The following SHANK2 variants were observed in gnomAD, a reference collection of about 807,000 sequenced individuals.
The protein encoded by SHANK2 is SH3 and multiple ankyrin repeat domains 2.
In SHANK2, 43 loss-of-function variants were observed where a neutral mutation model predicts 133.7. The observed-to-expected ratio is 0.32, with a 90% CI of 0.25 to 0.41. The LOEUF is 0.41. Among genes scored for constraint, SHANK2 ranks in the 10% least tolerant of loss-of-function variants. The probability of loss-of-function intolerance (pLI) is 1.00; values close to 1 mark genes in which losing one functional copy is unlikely to be tolerated. For synonymous variants in SHANK2, 1,017 were observed against 952.8 expected (o/e 1.07, Z -1.24); for missense variants, 1,994 against 2,235.8 (o/e 0.89, Z 2.18).
intron 12 of SHANK2, among the ~76,000 whole-genome samples, chr11:70,820,128 C>A (rs1948484991): frequency 6.6e-6 from 1 of 152,210 alleles, no homozygotes; most frequent in Admixed American, 6.5e-5. Flanking sequence ...AGCCTGCACA[C>A]CTGCCCCGAG....
chr11:70,650,152 G>A (rs1213205024), intron 17 of SHANK2, among the ~76,000 whole-genome samples: 1 of 152,228 alleles, frequency 6.6e-6, no homozygotes, highest in Admixed American at 6.5e-5. Flanking sequence ...AAGGCATCAT[G>A]TGAGCTGAAA....
At chr11:70,683,273 T>G (rs1054986071) in intron 15 of SHANK2, among the ~76,000 whole-genome samples, 24 of 152,066 alleles carry the variant, frequency 1.6e-4, no homozygotes, top group Admixed American at 8.5e-4. Flanking sequence ...GGCCACTTCC[T>G]CCTTTCTTTT....
chr11:70,532,448 A>G (rs2059486110), intron 17 of SHANK2, among the ~76,000 whole-genome samples: 1 of 152,146 alleles, frequency 6.6e-6, no homozygotes, highest in African/African-American at 2.4e-5. Context: ...GAGGTGGCCC[A>G]TCAGCAAACG....
chr11:71,103,184 C>A (rs1232064749), intron 6 of SHANK2, among the ~76,000 whole-genome samples: 2 of 152,190 alleles, frequency 1.3e-5, no homozygotes, highest in African/African-American at 4.8e-5. Flanking sequence ...TAGCGGCCAC[C>A]CAGTTGGGCT....
intron 3 of SHANK2, among the ~76,000 whole-genome samples, chr11:71,123,674 C>T (rs1383978730): frequency 5.7e-4 from 87 of 152,224 alleles, no homozygotes; most frequent in African/African-American, 2.0e-3. Context: ...GGTCTCCCCA[C>T]AGCCCTGCGA....
chr11:71,238,862 ACACACAGT>A lies in SHANK2; in HGVS notation c.-113+13555_-113+13562del, dbSNP rs374055404. The stretch of plus-strand genomic sequence containing the variant: ...TCTCCCCAGAAGAGGAGCTGTCCAG[ACACACAGT>A]CACAGGGACAGACTTCATTCATGGG... On this transcript the variant is annotated intron_variant, in intron 1 of 25. Coordinates refer to ENST00000601538, the MANE Select transcript of SHANK2 (RefSeq NM_012309.5). 3.1e-3 allele frequency among the ~76,000 whole-genome samples: 477 copies of A among 152,332 alleles called. 1 individual carries two copies. Among genetic ancestry groups the A allele is most frequent in the African/African-American group, 0.01 (426 of 41,576 alleles).
At chr11:70,477,874 C>G (rs1208138522) in intron 25 of SHANK2, among the ~76,000 whole-genome samples, 1 of 152,192 alleles carries the variant, frequency 6.6e-6, no homozygotes, top group Non-Finnish European at 1.5e-5. Context: ...ACTGGATCTT[C>G]CCGGTTGCAC....
chr11:70,499,691 G>A (rs1372862837), intron 21 of SHANK2, among the ~76,000 whole-genome samples: 8 of 152,328 alleles, frequency 5.3e-5, no homozygotes, highest in Admixed American at 3.9e-4. Flanking sequence ...CATCCTCGGC[G>A]CAGCAGTGGG....
intron 17 of SHANK2, among the ~76,000 whole-genome samples, chr11:70,611,459 C>A (rs1164560934): frequency 1.3e-5 from 2 of 152,248 alleles, no homozygotes; most frequent in African/African-American, 4.8e-5. Context: ...CCCTGCAATG[C>A]CCCATGGCAG....
intron 14 of SHANK2, among the ~76,000 whole-genome samples, chr11:70,758,459 T>C (rs972250929): frequency 6.6e-6 from 1 of 152,218 alleles, no homozygotes; most frequent in East Asian, 1.9e-4. Flanking sequence ...CTGCTCCCAA[T>C]TGGGCTAGAG....
intron 17 of SHANK2, among the ~76,000 whole-genome samples, chr11:70,568,646 G>GCTCCCCCCCCCCCCCCC (rs112149839): frequency 1.3e-5 from 1 of 79,966 alleles, no homozygotes; most frequent in Non-Finnish European, 2.8e-5. Flanking sequence ...GCGGATTCCT[G>GCTCCCCCCCCCCCCCCC]CCCCCCCCGC....
chr11:70,853,974 A>G (rs1157671942), intron 11 of SHANK2, among the ~76,000 whole-genome samples: 4 of 152,154 alleles, frequency 2.6e-5, no homozygotes, highest in African/African-American at 9.7e-5. Flanking sequence ...TAACCAAACC[A>G]ATTAAACCCA....
rs562761807 is a variant in SHANK2, at chr11:71,183,022, T to C, written c.-12-35684A>G. Among the ~76,000 whole-genome samples, 7 of 152,270 alleles carry C rather than the reference T, an allele frequency of 4.6e-5. No individual in the cohort carries two copies. The East Asian group carries it at 1.2e-3, about 25-fold the overall frequency. On this transcript the variant is annotated intron_variant, in intron 2 of 25. Transcript: ENST00000601538. The stretch of plus-strand genomic sequence containing the variant: ...CTCCTTCATCTCTGACCTGGGAGTC[T>C]TGTGTCTTCATGAAACTCTGGTGAG...
At chr11:70,773,766 C>T (rs1490253702) in intron 14 of SHANK2, among the ~76,000 whole-genome samples, 2 of 152,130 alleles carry the variant, frequency 1.3e-5, no homozygotes, top group Non-Finnish European at 2.9e-5. Context: ...ATCAAAACCA[C>T]AATGATATAT....
chr11:70,484,572 G>A (rs1452598481), intron 25 of SHANK2, among the ~76,000 whole-genome samples: 1 of 152,146 alleles, frequency 6.6e-6, no homozygotes, highest in African/African-American at 2.4e-5. Flanking sequence ...TTATAGCAGT[G>A]CAAGAATGAT....
Position 70,506,952 on chromosome 11 carries a change from A to G in SHANK2, c.2062-4021T>C, listed in dbSNP as rs141074284. ...AGGATGTTCCCTTTGGTCCCCATCCAGCGATTACCAAGGGTCAAATCCCAC... is the reference window on the plus strand; with the variant it reads ...AGGATGTTCCCTTTGGTCCCCATCCGGCGATTACCAAGGGTCAAATCCCAC... On this transcript the variant is annotated intron_variant, in intron 17 of 25. Transcript: ENST00000601538. Among the ~76,000 whole-genome samples the G allele has an allele frequency of 9.6e-4, 146 of 152,358 alleles. 1 individual carries two copies. Among genetic ancestry groups the G allele is most frequent in the South Asian group, 4.1e-4 (2 of 4,832 alleles).
chr11:70,636,513 G>C (rs1047999993), intron 17 of SHANK2, among the ~76,000 whole-genome samples: 1 of 150,270 alleles, frequency 6.7e-6, no homozygotes, highest in Non-Finnish European at 1.5e-5. Flanking sequence ...GAGGATGCAT[G>C]AGAATGTGTG....
chr11:71,161,998 A>G (rs1200036856), intron 2 of SHANK2, among the ~76,000 whole-genome samples: 1 of 152,188 alleles, frequency 6.6e-6, no homozygotes, highest in Non-Finnish European at 1.5e-5. Context: ...TCCCTAAGCC[A>G]TTGCAACAGC....
chr11:71,091,566 C>G (rs1376176963), intron 8 of SHANK2, among the ~76,000 whole-genome samples: 6 of 152,094 alleles, frequency 3.9e-5, no homozygotes, highest in African/African-American at 7.2e-5. Context: ...TCTTGACCTC[C>G]TAGGTAGACA....
Sources: gnomAD v4.1 joint callset for allele counts (sites outside exome capture counted in the v4.1 genomes callset) on GRCh38, gnomAD v4.1.1 for gene constraint, MANE v1.5 for transcripts, NCBI Gene and HGNC (gene_info 2026-07-23, HGNC 2026-07-21) for gene names.